The following NXPH1 variants were observed in gnomAD, a reference collection of about 807,000 sequenced individuals.
NXPH1 encodes neurexophilin 1, also known as neurexophilin-1.
NXPH1 carries 5 observed loss-of-function variants against 23.7 expected under a neutral mutation model. The observed-to-expected ratio is 0.21, with a 90% CI of 0.11 to 0.44. The LOEUF (loss-of-function observed/expected upper bound fraction) is 0.44, where lower values mean the gene tolerates loss of function less well. NXPH1 is among the 20% of genes least tolerant of loss of function. The pLI is 0.99. For synonymous variants in NXPH1, 144 were observed against 122.2 expected (o/e 1.18, Z -1.18); for missense variants, 324 against 321.6 (o/e 1.01, Z -0.06).
At chr7:8,467,933 T>A (rs749055939) in intron 2 of NXPH1, among the ~76,000 whole-genome samples, 4 of 152,290 alleles carry the variant, frequency 2.6e-5, no homozygotes, top group Non-Finnish European at 5.9e-5. Flanking sequence ...CTATCAGTAT[T>A]ATTGATTGTA....
At chr7:8,636,389 C>G (rs1820219318) in intron 2 of NXPH1, among the ~76,000 whole-genome samples, 1 of 152,190 alleles carries the variant, frequency 6.6e-6, no homozygotes, top group Non-Finnish European at 1.5e-5. Flanking sequence ...CATCAGTCAG[C>G]AGAATTTCCA....
chr7:8,714,359 G>A (rs906576342), intron 2 of NXPH1, among the ~76,000 whole-genome samples: 2 of 151,844 alleles, frequency 1.3e-5, no homozygotes, highest in African/African-American at 4.8e-5. Context: ...TCTGGCCCAG[G>A]ATAGGTCCAG....
intron 2 of NXPH1, among the ~76,000 whole-genome samples, chr7:8,512,223 G>A (rs1322961425): frequency 1.3e-5 from 2 of 152,148 alleles, no homozygotes; most frequent in African/African-American, 4.8e-5. Flanking sequence ...AAAGAATCAT[G>A]TGATAATCTT....
chr7:8,686,002 A>G (rs933215828), intron 2 of NXPH1, among the ~76,000 whole-genome samples: 2 of 152,142 alleles, frequency 1.3e-5, no homozygotes, highest in African/African-American at 4.8e-5. Context: ...TCCACGTTGC[A>G]TGCGTGTATC....
chr7:8,717,342 G>A (rs1037662348), intron 2 of NXPH1, among the ~76,000 whole-genome samples: 5 of 152,056 alleles, frequency 3.3e-5, no homozygotes, highest in Non-Finnish European at 7.4e-5. Flanking sequence ...TATTATGTAT[G>A]TTTCCCCAAA....
chr7:8,679,807 G>A (rs754545786), intron 2 of NXPH1, among the ~76,000 whole-genome samples: 2 of 152,234 alleles, frequency 1.3e-5, no homozygotes, highest in African/African-American at 2.4e-5. Flanking sequence ...CAGATCACGA[G>A]GTCAGGAGTT....
At chr7:8,741,132 G>C (rs1157294908) in intron 2 of NXPH1, among the ~76,000 whole-genome samples, 1 of 152,112 alleles carries the variant, frequency 6.6e-6, no homozygotes, top group Non-Finnish European at 1.5e-5. Flanking sequence ...ACATACAAGT[G>C]AGATCATGCA....
chr7:8,594,369 A>G (rs1368497351), intron 2 of NXPH1, among the ~76,000 whole-genome samples: 1 of 152,062 alleles, frequency 6.6e-6, no homozygotes, highest in East Asian at 1.9e-4. Flanking sequence ...GACGATGGTA[A>G]ACAGCTGGTA....
intron 2 of NXPH1, among the ~76,000 whole-genome samples, chr7:8,595,948 C>T (rs948686590): frequency 6.6e-6 from 1 of 151,974 alleles, no homozygotes; most frequent in Admixed American, 6.6e-5. Flanking sequence ...TTTTAAGTTA[C>T]TCAGATGAAT....
chr7:8,461,367 C>T (rs1816691386), intron 2 of NXPH1, among the ~76,000 whole-genome samples: 1 of 152,062 alleles, frequency 6.6e-6, no homozygotes, highest in Non-Finnish European at 1.5e-5. Flanking sequence ...CTCCCAAGCT[C>T]TAAGGTGGAG....
chr7:8,629,084 A>T (rs970943887), intron 2 of NXPH1, among the ~76,000 whole-genome samples: 3 of 152,028 alleles, frequency 2.0e-5, no homozygotes, highest in Admixed American at 6.6e-5. Context: ...AATACAAAAG[A>T]TTCCATTTCT....
chr7:8,683,497 G>A (rs1462083659), intron 2 of NXPH1, among the ~76,000 whole-genome samples: 1 of 152,184 alleles, frequency 6.6e-6, no homozygotes, highest in East Asian at 1.9e-4. Flanking sequence ...GAATGGGTCA[G>A]ATTACTGCAG....
chr7:8,643,628 G>C (rs1209739543), intron 2 of NXPH1, among the ~76,000 whole-genome samples: 4 of 152,058 alleles, frequency 2.6e-5, no homozygotes, highest in African/African-American at 9.7e-5. Context: ...GGACATTTGA[G>C]ATAATATATA....
chr7:8,716,677 G>A (rs1034286781), intron 2 of NXPH1, among the ~76,000 whole-genome samples: 5 of 152,038 alleles, frequency 3.3e-5, no homozygotes, highest in Non-Finnish European at 5.9e-5. Context: ...GGGTATTACT[G>A]GGATATGTCT....
At chr7:8,606,022 C>G (rs568966561) in intron 2 of NXPH1, among the ~76,000 whole-genome samples, 1 of 152,062 alleles carries the variant, frequency 6.6e-6, no homozygotes, top group African/African-American at 2.4e-5. Flanking sequence ...ATTCATAATT[C>G]TTCCTGTGTC....
chr7:8,700,417 C>T (rs1370406728), intron 2 of NXPH1, among the ~76,000 whole-genome samples: 1 of 152,066 alleles, frequency 6.6e-6, no homozygotes, highest in Non-Finnish European at 1.5e-5. Flanking sequence ...ACATCATTTG[C>T]TTCTTAGACA....
intron 2 of NXPH1, among the ~76,000 whole-genome samples, chr7:8,650,476 T>C (rs966950800): frequency 2.0e-5 from 3 of 152,214 alleles, no homozygotes; most frequent in African/African-American, 7.2e-5. Flanking sequence ...AATATTATGT[T>C]TGTCACTGAT....
intron 2 of NXPH1, among the ~76,000 whole-genome samples, chr7:8,531,988 A>C (rs1183685550): frequency 6.6e-6 from 1 of 152,144 alleles, no homozygotes; most frequent in Admixed American, 6.6e-5. Context: ...TCCCAAATGG[A>C]GGTACCCTCA....
intron 2 of NXPH1, among the ~76,000 whole-genome samples, chr7:8,736,839 T>G (rs1354936839): frequency 2.0e-5 from 3 of 152,136 alleles, no homozygotes; most frequent in Non-Finnish European, 4.4e-5. Context: ...ATTTAGGATA[T>G]TTAGCTCTGC....
Sources: gnomAD v4.1 joint callset for allele counts (sites outside exome capture counted in the v4.1 genomes callset) on GRCh38, gnomAD v4.1.1 for gene constraint, MANE v1.5 for transcripts, NCBI Gene and HGNC (gene_info 2026-07-23, HGNC 2026-07-21) for gene names.